The following POC1B variants were observed in gnomAD, a reference collection of about 807,000 sequenced individuals.
POC1B encodes the protein POC1 centriolar protein B, also known as POC1 centriolar protein homolog B.
POC1B carries 44 observed loss-of-function variants against 60.6 expected under a neutral mutation model. That is an observed-to-expected ratio of 0.73 (90% confidence interval 0.57 to 0.93). The LOEUF is 0.93. Among genes scored for constraint, POC1B ranks in the 40% least tolerant of loss-of-function variants. The pLI, the probability that POC1B is intolerant of heterozygous loss-of-function variation, is 0.00. For missense variants in POC1B, 555 were observed against 572.3 expected (o/e 0.97, Z 0.31); for synonymous variants, 180 against 198.9 (o/e 0.90, Z 0.80).
At chr12:89,500,371 A>G in intron 2 of POC1B, 1 of 1,503,824 alleles carries the variant, frequency 6.6e-7, no homozygotes, top group Non-Finnish European at 9.2e-7. Flanking sequence ...CAAGGAAGAA[A>G]GAAGCCTCTC....
chr12:89,425,966 A>G (rs1205379255), intron 10 of POC1B: 2 of 152,306 alleles, frequency 1.3e-5, no homozygotes, highest in African/African-American at 4.8e-5. Context: ...TCATAGCAAC[A>G]TTATTCACAA....
At chr12:89,523,754 A>G in intron 2 of POC1B, 1 of 1,541,110 alleles carries the variant, frequency 6.5e-7, no homozygotes, top group Non-Finnish European at 8.7e-7. Context: ...TGCATATAGA[A>G]TTCAAAAGTA....
chr12:89,495,532 G>A (rs1009151006), intron 3 of POC1B, among the ~76,000 whole-genome samples: 2 of 152,142 alleles, frequency 1.3e-5, no homozygotes, highest in Non-Finnish European at 2.9e-5. Context: ...ATTTGGGAGT[G>A]CCTGGGCCTG....
chr12:89,418,366 G>A (rs528356445), downstream of POC1B, among the ~76,000 whole-genome samples: 31 of 152,234 alleles, frequency 2.0e-4, no homozygotes, highest in African/African-American at 5.8e-4. Flanking sequence ...GAGAAGTTGC[G>A]TCTTGGCCTT....
chr12:89,451,420 T>TA (rs1304197064), intron 10 of POC1B, among the ~76,000 whole-genome samples: 10 of 152,050 alleles, frequency 6.6e-5, no homozygotes, highest in Non-Finnish European at 1.3e-4. Flanking sequence ...CAAATTACAC[T>TA]AAAAAAAATC....
intron 10 of POC1B, among the ~76,000 whole-genome samples, chr12:89,452,830 CTT>C (rs1882108638): frequency 6.6e-6 from 1 of 151,966 alleles, no homozygotes; most frequent in African/African-American, 2.4e-5. Flanking sequence ...AACTAAAACA[CTT>C]TAGCATTTTA....
intron 10 of POC1B, chr12:89,427,227 C>T (rs1037736144): frequency 1.3e-5 from 2 of 152,130 alleles, no homozygotes; most frequent in Non-Finnish European, 2.9e-5. Context: ...ACTGAGAGTG[C>T]AGAAATAAAC....
At chr12:89,436,368 A>T (rs2120701118) in intron 10 of POC1B, among the ~76,000 whole-genome samples, 1 of 152,356 alleles carries the variant, frequency 6.6e-6, no homozygotes, top group Middle Eastern at 3.4e-3. Flanking sequence ...GATGGGCTTT[A>T]TCCATTTAAA....
In POC1B at chr12:89,508,897, G is replaced by A. The variant is rs1336820129; in HGVS notation, c.101-11555C>T. Among the ~76,000 whole-genome samples the A allele has an allele frequency of 2.6e-5, 4 of 152,304 alleles. No homozygotes were observed. In the East Asian group the frequency reaches 7.7e-4, roughly 29 times the overall value. On this transcript the variant is annotated intron_variant, in intron 2 of 11. Transcript: ENST00000313546. ...TCCTAAATTTCCTGAGGCCTACCCA[G>A]CCATGTGAAACTATGTGTCAATTAA... is the stretch of plus-strand genomic sequence containing the variant.
the POC1B span, among the ~76,000 whole-genome samples, chr12:89,408,289 T>G: frequency 6.6e-6 from 1 of 152,290 alleles, no homozygotes; most frequent in African/African-American, 2.4e-5. Context: ...GTCTTTATAG[T>G]AGAATGAATT....
intron 2 of POC1B, chr12:89,524,188 A>G (rs567301606): frequency 6.2e-7 from 1 of 1,614,004 alleles, no homozygotes. Context: ...ACACTCATAC[A>G]TTCTTTTATC....
chr12:89,506,691 A>G (rs910978807), intron 2 of POC1B, among the ~76,000 whole-genome samples: 3 of 152,136 alleles, frequency 2.0e-5, no homozygotes, highest in African/African-American at 7.2e-5. Flanking sequence ...TCTTATAGGA[A>G]AATAATTAAG....
At chr12:89,501,523 T>G (rs1869565321) in intron 2 of POC1B, 2 of 1,055,612 alleles carry the variant, frequency 1.9e-6, no homozygotes, top group Non-Finnish European at 2.8e-6. Context: ...TGATTGTGCT[T>G]CCAAAATACA....
chr12:89,456,646 CTT>C (rs34611592), intron 10 of POC1B, among the ~76,000 whole-genome samples: 2 of 148,772 alleles, frequency 1.3e-5, no homozygotes, highest in South Asian at 4.3e-4. Context: ...TTTACAGAAA[CTT>C]TTTTTTTTAA....
At chr12:89,409,567 TAAAG>T in the POC1B span, among the ~76,000 whole-genome samples, 1 of 151,698 alleles carries the variant, frequency 6.6e-6, no homozygotes, top group Admixed American at 6.6e-5. Context: ...GCCAGACTAA[TAAAG>T]AAGAAAAGAG....
chr12:89,503,695 C>T (rs1246510409), intron 2 of POC1B, among the ~76,000 whole-genome samples: 1 of 151,990 alleles, frequency 6.6e-6, no homozygotes, highest in South Asian at 2.1e-4. Context: ...GCTGCGACCC[C>T]GTCTGGGAGG....
chr12:89,526,029 C>T lies in POC1B; in HGVS notation c.-134G>A, dbSNP rs1387629937. On this transcript the variant is annotated 5_prime_UTR_variant, in exon 1 of 12. Coordinates refer to ENST00000313546, the MANE Select transcript of POC1B (RefSeq NM_172240.3). The stretch of plus-strand genomic sequence containing the variant: ...GAGCGGCAGCGCCTCCCGGTCACTA[C>T]AACAACGGCGGCCCAGTCAAACCCC... 15 of 1,535,936 alleles carry T rather than the reference C, an allele frequency of 9.8e-6. No individual in the cohort carries two copies. Among genetic ancestry groups the T allele is most frequent in the African/African-American group, 2.7e-5 (2 of 72,938 alleles).
At chr12:89,421,350 G>A in intron 11 of POC1B, 93 bp from the exon 12 acceptor site, 1 of 1,047,468 alleles carries the variant, frequency 9.5e-7, no homozygotes, top group Admixed American at 2.2e-5. Flanking sequence ...TTTAAGAACT[G>A]GGATGCCCAC....
chr12:89,452,717 T>C (rs963519119), intron 10 of POC1B, among the ~76,000 whole-genome samples: 2 of 152,188 alleles, frequency 1.3e-5, no homozygotes, highest in Non-Finnish European at 2.9e-5. Flanking sequence ...AAGAAGCCTC[T>C]GGCTTTCACT....
Sources: gnomAD v4.1 joint callset for allele counts (sites outside exome capture counted in the v4.1 genomes callset) on GRCh38, gnomAD v4.1.1 for gene constraint, MANE v1.5 for transcripts, NCBI Gene and HGNC (gene_info 2026-07-23, HGNC 2026-07-21) for gene names.